Variants in SOX5 observed in about 807,000 individuals in gnomAD.
The protein encoded by SOX5 is SRY-box transcription factor 5, also known as transcription factor SOX-5.
In SOX5, 9 loss-of-function variants were observed where a neutral mutation model predicts 92.0. The ratio of observed to expected loss-of-function variants is 0.10; its 90% CI spans 0.06 to 0.17. The LOEUF (loss-of-function observed/expected upper bound fraction) is 0.17. Ranked by LOEUF, SOX5 falls within the 10% of genes least tolerant of loss-of-function variation. The probability of loss-of-function intolerance (pLI) is 1.00; values close to 1 mark genes in which losing one functional copy is unlikely to be tolerated. For missense variants in SOX5, 642 were observed against 944.5 expected, an observed-to-expected ratio of 0.68 and a Z score of 4.20; for synonymous variants, 344 against 336.3, an observed-to-expected ratio of 1.02 and a Z score of -0.25.
intron 3 of SOX5, among the ~76,000 whole-genome samples, chr12:24,252,566 G>A (rs1940316230): frequency 6.6e-6 from 1 of 151,770 alleles, no homozygotes; most frequent in East Asian, 1.9e-4. Flanking sequence ...TTAATTTGAT[G>A]TCATGAAAGC....
intron 2 of SOX5, among the ~76,000 whole-genome samples, chr12:24,287,630 G>C (rs1399271114): frequency 8.1e-6 from 1 of 124,010 alleles, no homozygotes; most frequent in Non-Finnish European, 1.7e-5. Context: ...AGTGCCCCAG[G>C]GTTCTTCTAG....
intron 4 of SOX5, among the ~76,000 whole-genome samples, chr12:24,153,505 G>C (rs928013670): frequency 6.6e-6 from 1 of 152,132 alleles, no homozygotes; most frequent in East Asian, 1.9e-4. Flanking sequence ...TAGTTTTCTA[G>C]AAAACGCCAG....
chr12:24,123,997 T>A (rs571806262), intron 4 of SOX5, among the ~76,000 whole-genome samples: 1 of 152,342 alleles, frequency 6.6e-6, no homozygotes, highest in East Asian at 1.9e-4. Flanking sequence ...AGTCGATTCT[T>A]AAAATGCAAT....
intron 4 of SOX5, among the ~76,000 whole-genome samples, chr12:24,102,371 A>G (rs1333958590): frequency 1.3e-5 from 2 of 152,196 alleles, no homozygotes; most frequent in Non-Finnish European, 2.9e-5. Context: ...TCTCTGCCAC[A>G]TAATTTCCAA....
intron 4 of SOX5, among the ~76,000 whole-genome samples, chr12:24,198,229 C>T (rs1219855121): frequency 1.4e-5 from 2 of 143,724 alleles, no homozygotes; most frequent in African/African-American, 5.2e-5. Context: ...AGAACAGAAA[C>T]AATTGTAAAA....
chr12:24,204,797 G>A (rs1002545696), intron 4 of SOX5, among the ~76,000 whole-genome samples: 1 of 152,162 alleles, frequency 6.6e-6, no homozygotes, highest in Non-Finnish European at 1.5e-5. Context: ...TGAGAATAAA[G>A]CCTGTGTTTC....
chr12:23,727,050 A>G (rs1367477355), intron 6 of SOX5, among the ~76,000 whole-genome samples: 1 of 152,186 alleles, frequency 6.6e-6, no homozygotes, highest in Non-Finnish European at 1.5e-5. Context: ...CAGGAAAATA[A>G]AAATAATAAA....
At chr12:23,771,706 T>G (rs1012494378) in intron 3 of SOX5, among the ~76,000 whole-genome samples, 1 of 152,204 alleles carries the variant, frequency 6.6e-6, no homozygotes, top group Non-Finnish European at 1.5e-5. Context: ...GCCTAAATGT[T>G]GCCTTACAGG....
At chr12:24,249,536 A>T (rs1354120345) in intron 3 of SOX5, among the ~76,000 whole-genome samples, 2 of 152,190 alleles carry the variant, frequency 1.3e-5, no homozygotes, top group African/African-American at 4.8e-5. Context: ...TTTACTCATC[A>T]TTACATATGG....
chr12:24,250,441 A>G (rs1263981467), intron 3 of SOX5, among the ~76,000 whole-genome samples: 1 of 152,184 alleles, frequency 6.6e-6, no homozygotes, highest in Non-Finnish European at 1.5e-5. Flanking sequence ...AACAAGTCAA[A>G]AGGTTGGTGT....
intron 3 of SOX5, among the ~76,000 whole-genome samples, chr12:23,779,955 C>CTGTGTGTG (rs10686652): frequency 0.095 from 12,958 of 136,382 alleles, 704 homozygotes; most frequent in East Asian, 0.17. Context: ...CACAGCGAGA[C>CTGTGTGTG]TGTGTGTGTG....
intron 1 of SOX5, among the ~76,000 whole-genome samples, chr12:24,556,902 A>G (rs568322700): frequency 2.2e-4 from 33 of 152,228 alleles, no homozygotes; most frequent in African/African-American, 2.7e-4. Flanking sequence ...AATAAGTTCA[A>G]AGTAAGTACA....
intron 4 of SOX5, among the ~76,000 whole-genome samples, chr12:23,999,684 AATT>A (rs1951409499): frequency 6.6e-6 from 1 of 152,100 alleles, no homozygotes; most frequent in Non-Finnish European, 1.5e-5. Flanking sequence ...TAAAAAAGAC[AATT>A]ACATAAAGCA....
At chr12:24,283,350 T>C (rs1031721493) in intron 2 of SOX5, among the ~76,000 whole-genome samples, 2 of 152,230 alleles carry the variant, frequency 1.3e-5, no homozygotes, top group African/African-American at 4.8e-5. Flanking sequence ...AAAGTCAAAC[T>C]TCTTTACAGA....
Position 23,710,601 on chromosome 12 carries a change from T to A in SOX5, c.810+24083A>T, listed in dbSNP as rs186516275. ...TTTTTTATGGCTGCATAGTATTCCA[T>A]GGTGTATATGTGCCACATTTTCTTA... On this transcript the variant is annotated intron_variant, in intron 6 of 14. Coordinates refer to ENST00000451604, the MANE Select transcript of SOX5 (RefSeq NM_006940.6). Among the ~76,000 whole-genome samples, 502 of 152,354 alleles carry A rather than the reference T, an allele frequency of 3.3e-3. 1 individual carries two copies. The highest frequency in any genetic ancestry group is 0.011 in the African/African-American group (477 of 41,580).
At chr12:24,495,571 C>A (rs1168988314) in intron 1 of SOX5, among the ~76,000 whole-genome samples, 2 of 152,100 alleles carry the variant, frequency 1.3e-5, no homozygotes, top group African/African-American at 4.8e-5. Context: ...TTTGAGTGAA[C>A]ACTTGAGAAC....
chr12:23,538,533 T>C (rs1049641246), intron 13 of SOX5, among the ~76,000 whole-genome samples: 10 of 152,204 alleles, frequency 6.6e-5, no homozygotes, highest in Non-Finnish European at 1.5e-4. Flanking sequence ...TCTCTGAAGA[T>C]ACTTGAATAC....
chr12:23,759,946 TA>T (rs1294111550), intron 3 of SOX5, among the ~76,000 whole-genome samples: 1 of 152,054 alleles, frequency 6.6e-6, no homozygotes, highest in African/African-American at 2.4e-5. Flanking sequence ...TAATTTTTTT[TA>T]AATTTTTGTG....
Position 23,970,841 on chromosome 12 carries a change from A to ATATATATATATATATATAATTTTTAAT in SOX5, c.-1-74818_-1-74817insATTAAAAATTATATATATATATATATA. Among the ~76,000 whole-genome samples, 12 of 21,884 alleles carry ATATATATATATATATATAATTTTTAAT rather than the reference A, an allele frequency of 5.5e-4. 3 individuals carry two copies. In the East Asian group the frequency reaches 8.7e-3, roughly 16 times the overall value. 14.4% of individuals were successfully genotyped at this position (21,884 alleles called of 152,430 possible). The stretch of plus-strand genomic sequence containing the variant: ...ACATGGGACTTTATATATATATATA[A>ATATATATATATATATATAATTTTTAAT]TTTTTTTTTTTTTTTAAGAAATGGG... On this transcript the variant is annotated intron_variant, in intron 4 of 4. Transcript: ENST00000446891.
Sources: gnomAD v4.1 joint callset for allele counts (sites outside exome capture counted in the v4.1 genomes callset) on GRCh38, gnomAD v4.1.1 for gene constraint, MANE v1.5 for transcripts, NCBI Gene and HGNC (gene_info 2026-07-23, HGNC 2026-07-21) for gene names.